ABHD12: variants seen among roughly 807,000 people sequenced by gnomAD.
ABHD12 encodes lysophosphatidylserine lipase ABHD12.
ABHD12 carries 43 observed loss-of-function variants against 58.3 expected under a neutral mutation model. The observed-to-expected ratio is 0.74, with a 90% CI of 0.58 to 0.95. ABHD12 has a LOEUF of 0.95. Among genes scored for constraint, ABHD12 ranks in the 40% least tolerant of loss-of-function variants. The pLI, the probability that ABHD12 is intolerant of heterozygous loss-of-function variation, is 0.00. For missense variants in ABHD12, 539 were observed against 537.2 expected, an observed-to-expected ratio of 1.00 and a Z score of -0.03; for synonymous variants, 219 against 211.2, an observed-to-expected ratio of 1.04 and a Z score of -0.32.
chr20:25,300,658 T>C lies in ABHD12; in HGVS notation c.*187A>G, dbSNP rs2088618339. ...ACCCACGCTTTCCACACAGCCATGCTCAGGCCTCCGGGCACTGCAGGCCTG... is the reference window on the plus strand; with the variant it reads ...ACCCACGCTTTCCACACAGCCATGCCCAGGCCTCCGGGCACTGCAGGCCTG... On this transcript the variant is annotated 3_prime_UTR_variant, in exon 13 of 13. Coordinates refer to ENST00000339157, the MANE Select transcript of ABHD12 (RefSeq NM_001042472.3). The C allele has an allele frequency of 1.3e-6, 2 of 1,501,342 alleles. No homozygotes were observed. Among genetic ancestry groups the C allele is most frequent in the Non-Finnish European group, 1.8e-6 (2 of 1,129,106 alleles). 93.0% of individuals were successfully genotyped at this position (1,501,342 alleles called of 1,614,324 possible). A position where few individuals can be genotyped will look rare whatever the true frequency, so the allele number is the denominator to read the frequency against.
chr20:25,368,019 T>C (rs2089847087), intron 1 of ABHD12, among the ~76,000 whole-genome samples: 1 of 152,236 alleles, frequency 6.6e-6, no homozygotes. Context: ...CCACTAACAG[T>C]GTGCAAGGGT....
chr20:25,373,504 G>A (rs975338854), intron 1 of ABHD12, among the ~76,000 whole-genome samples: 3 of 151,820 alleles, frequency 2.0e-5, no homozygotes, highest in African/African-American at 7.3e-5. Flanking sequence ...CAGAGATTGT[G>A]CCACTGTGCT....
Position 25,300,767 on chromosome 20 carries a change from C to T in ABHD12, c.*78G>A. ...CATTGCAGGTGCCGGCCCCCCGGGG[C>T]TTCAGGATACCGGGCTGCTGACTGG... On this transcript the variant is annotated 3_prime_UTR_variant, in exon 13 of 13. Transcript: ENST00000339157. The T allele has an allele frequency of 2.1e-5, 34 of 1,611,858 alleles. No homozygotes were observed. Among genetic ancestry groups the T allele is most frequent in the Non-Finnish European group, 2.9e-5 (34 of 1,179,278 alleles).
chr20:25,385,045 AG>A (rs2090070593), intron 1 of ABHD12, among the ~76,000 whole-genome samples: 2 of 152,170 alleles, frequency 1.3e-5, no homozygotes, highest in African/African-American at 4.8e-5. Flanking sequence ...CTAAATCAGG[AG>A]GAAAAAGCAG....
chr20:25,357,300 C>A (rs1029863341), intron 1 of ABHD12, among the ~76,000 whole-genome samples: 1 of 152,228 alleles, frequency 6.6e-6, no homozygotes, highest in Non-Finnish European at 1.5e-5. Context: ...TAATCAGGCT[C>A]TCTCACCATG....
downstream of ABHD12, chr20:25,296,965 A>C (rs991519133): frequency 1.2e-5 from 2 of 170,628 alleles, no homozygotes; most frequent in African/African-American, 4.8e-5. Flanking sequence ...TGCCAGCCAC[A>C]GGGAAGGGCC....
At chr20:25,296,971 G>C (rs1213224584), downstream of ABHD12, 1 of 171,734 alleles carries the variant, frequency 5.8e-6, no homozygotes, top group Non-Finnish European at 1.3e-5. Flanking sequence ...CCACAGGGAA[G>C]GGCCAAGCCC....
intron 6 of ABHD12, among the ~76,000 whole-genome samples, chr20:25,313,074 C>G (rs577933106): frequency 5.4e-4 from 83 of 152,378 alleles, no homozygotes; most frequent in Non-Finnish European, 8.5e-4. Context: ...GCCACCCCGT[C>G]TGGGAGGTGT....
chr20:25,318,581 G>C (rs561253422), intron 4 of ABHD12, among the ~76,000 whole-genome samples: 2 of 152,170 alleles, frequency 1.3e-5, no homozygotes, highest in Non-Finnish European at 2.9e-5. Context: ...ACTGCAGCCA[G>C]GCAGTCTCTG....
chr20:25,390,395 G>C, intron 1 of ABHD12, 118 bp downstream of exon 1: 1 of 1,049,484 alleles, frequency 9.5e-7, no homozygotes, highest in Non-Finnish European at 1.2e-6. Flanking sequence ...GGCGGCCGCG[G>C]ATCGGGCGGA....
chr20:25,357,396 G>A (rs1315149675), intron 1 of ABHD12, among the ~76,000 whole-genome samples: 2 of 152,210 alleles, frequency 1.3e-5, no homozygotes, highest in Non-Finnish European at 2.9e-5. Flanking sequence ...CCACGAATAA[G>A]TAGCGTAGCT....
At chr20:25,308,539 T>C (rs768043008) in intron 7 of ABHD12, 45 bp from the exon 8 acceptor site, 19 of 1,579,486 alleles carry the variant, frequency 1.2e-5, no homozygotes, top group Non-Finnish European at 1.6e-5. Context: ...GATAAAATTG[T>C]TTGAGATGAT....
chr20:25,309,685 C>T, intron 6 of ABHD12, 110 bp from the exon 7 acceptor site: 3 of 1,514,666 alleles, frequency 2.0e-6, no homozygotes, highest in South Asian at 1.2e-5. Context: ...GAGGGGCCCG[C>T]TTGGCCCACC....
intron 2 of ABHD12, among the ~76,000 whole-genome samples, chr20:25,324,303 G>C (rs565281825): frequency 6.6e-6 from 1 of 152,316 alleles, no homozygotes; most frequent in South Asian, 2.1e-4. Flanking sequence ...AGGATATACA[G>C]AAAGACAGAA....
In ABHD12 at chr20:25,346,043, TATAAG is replaced by T. The variant is rs370518005; in HGVS notation, c.192-6697_192-6693del. ...CAAGAGTCTGGCAGTTATTAATAAATATAAGATAACCAAGGTAAGATGTCCTTTGA... is the reference window on the plus strand; with the variant it reads ...CAAGAGTCTGGCAGTTATTAATAAATATAACCAAGGTAAGATGTCCTTTGA... On this transcript the variant is annotated intron_variant, in intron 1 of 12. Transcript: ENST00000339157. Among the ~76,000 whole-genome samples, 814 of 152,218 alleles carry T rather than the reference TATAAG, an allele frequency of 5.3e-3. 8 individuals carry two copies. Among genetic ancestry groups the T allele is most frequent in the African/African-American group, 0.019 (779 of 41,528 alleles).
intron 6 of ABHD12, among the ~76,000 whole-genome samples, chr20:25,314,564 A>G (rs958031108): frequency 3.3e-5 from 5 of 152,050 alleles, no homozygotes; most frequent in African/African-American, 1.2e-4. Flanking sequence ...CTGCAGTCAC[A>G]GCTACTCGAG....
intron 1 of ABHD12, among the ~76,000 whole-genome samples, chr20:25,370,437 C>A (rs2089885695): frequency 6.6e-6 from 1 of 152,190 alleles, no homozygotes; most frequent in Non-Finnish European, 1.5e-5. Flanking sequence ...ACCCCTCAGG[C>A]ACAGCCGCAG....
At position 25,302,229 on chromosome 20, in the gene ABHD12, G is replaced by A. The variant is rs765988372; in HGVS notation, c.1147C>T (p.Arg383Trp). ...KYIYKSPELP[R>W]ILREFLGKSE... ...AAGAGAATGTCTCACCTCAGTATCC[G>A]TGGCAGCTCAGGGCTCTTGTAAATG... The change falls in exon 12 of 13, where the codon CGG (arginine) becomes TGG (tryptophan). Residue 383 changes from arginine (R) to tryptophan (W), a missense_variant. Coordinates refer to ENST00000339157, the MANE Select transcript of ABHD12 (RefSeq NM_001042472.3). 5.6e-6 allele frequency: 9 copies of A among 1,613,284 alleles called. No homozygotes were observed. Among genetic ancestry groups the A allele is most frequent in the East Asian group, 4.5e-5 (2 of 44,896 alleles).
rs751917613 is a variant in ABHD12 at position 25,339,317 on chromosome 20, G to C, written c.226C>G (p.Leu76Val). The C allele has an allele frequency of 8.7e-6, 14 of 1,614,032 alleles. No individual in the cohort carries two copies. The African/African-American group carries it at 1.7e-4, about 20-fold the overall frequency. The change falls in exon 2 of 13, where the codon CTT becomes GTT. Residue 76 changes from leucine (L) to valine (V), a missense_variant. Transcript: ENST00000339157. ...KGVWLRLRKI[L>V]FCVLGLYIAI... ...ATGTACAACCCCAAAACACAGAAAA[G>C]TATCTTCCTCAGGCGCAACCACACG... is the stretch of plus-strand genomic sequence containing the variant.
Sources: gnomAD v4.1 joint callset for allele counts (sites outside exome capture counted in the v4.1 genomes callset) on GRCh38, gnomAD v4.1.1 for gene constraint, MANE v1.5 for transcripts, NCBI Gene and HGNC (gene_info 2026-07-23, HGNC 2026-07-21) for gene names.